Variants in TRIM33 observed in about 807,000 individuals in gnomAD.
TRIM33 encodes E3 ubiquitin-protein ligase TRIM33.
Under a neutral mutation model 125.4 loss-of-function variants are expected in TRIM33, and 20 were observed. That is an observed-to-expected ratio of 0.16 (90% CI 0.11 to 0.23). The LOEUF (loss-of-function observed/expected upper bound fraction) is 0.23, where lower values mean the gene tolerates loss of function less well. TRIM33 is among the 10% of genes least tolerant of loss of function. The pLI, the probability that TRIM33 is intolerant of heterozygous loss-of-function variation, is 1.00. For missense variants in TRIM33, 920 were observed against 1,411.4 expected (o/e 0.65, Z 5.58); for synonymous variants, 564 against 513.9 (o/e 1.10, Z -1.32).
In TRIM33 at chr1:114,470,131, G is replaced by A. The variant is rs143224002; in HGVS notation, c.527-5743C>T. On this transcript the variant is annotated intron_variant, in intron 1 of 19. Transcript: ENST00000358465. ...ACTAATATCTATTATCATAAAGCTT[G>A]TTGGTATTCTTAGGGCTTCTTATAT... is the stretch of plus-strand genomic sequence containing the variant. Among the ~76,000 whole-genome samples, 3 of 152,228 alleles carry A rather than the reference G, an allele frequency of 2.0e-5. No individual in the cohort carries two copies. In the East Asian group the frequency reaches 5.8e-4, roughly 29 times the overall value.
At chr1:114,399,325 A>G (rs1651735218) in intron 18 of TRIM33, 132 bp downstream of exon 18, 1 of 717,420 alleles carries the variant, frequency 1.4e-6, no homozygotes, top group Non-Finnish European at 2.2e-6. Flanking sequence ...TGTTAATACA[A>G]TCAGATGTTA....
intron 1 of TRIM33, among the ~76,000 whole-genome samples, chr1:114,503,840 A>T (rs977295642): frequency 2.0e-4 from 31 of 152,222 alleles, no homozygotes; most frequent in African/African-American, 6.8e-4. Flanking sequence ...CATGCCTAAA[A>T]ACCATAGTTT....
chr1:114,468,191 C>G (rs1019440969), intron 1 of TRIM33: 1 of 169,842 alleles, frequency 5.9e-6, no homozygotes, highest in Non-Finnish European at 1.2e-5. Context: ...CCTATGTGCA[C>G]ACATTAATAA....
chr1:114,435,373 C>T (rs554742822), intron 4 of TRIM33, among the ~76,000 whole-genome samples: 5 of 152,110 alleles, frequency 3.3e-5, no homozygotes, highest in Non-Finnish European at 7.3e-5. Context: ...AACTAAATGC[C>T]TAGCTAAGGC....
At chr1:114,410,733 T>C (rs1432287828) in intron 11 of TRIM33, among the ~76,000 whole-genome samples, 1 of 151,898 alleles carries the variant, frequency 6.6e-6, no homozygotes, top group Non-Finnish European at 1.5e-5. Flanking sequence ...AAAATTCTTA[T>C]AGCCCACAGA....
rs66490349 is a variant in TRIM33 at position 114,397,589 on chromosome 1, G to GTT, written c.*57_*58dup. 18,585 of 636,730 alleles carry GTT rather than the reference G, an allele frequency of 0.029. 622 individuals carry two copies. The highest frequency in any genetic ancestry group is 0.14 in the African/African-American group (5,183 of 36,214). The allele number at this position is 636,730 out of a possible 1,614,324, so 39.4% of individuals were successfully genotyped here. A position where few individuals can be genotyped will look rare whatever the true frequency, so the allele number is the denominator to read the frequency against. On this transcript the variant is annotated 3_prime_UTR_variant, in exon 20 of 20. Coordinates refer to ENST00000358465, the MANE Select transcript of TRIM33 (RefSeq NM_015906.4). ...CTTAAAAGTTTTCTGGGTTTTTTGT[G>GTT]TTTTTTTTTTTTTTTTCGTTTTTTT...
chr1:114,502,149 T>A (rs1279572387), intron 1 of TRIM33, among the ~76,000 whole-genome samples: 1 of 152,254 alleles, frequency 6.6e-6, no homozygotes, highest in Non-Finnish European at 1.5e-5. Flanking sequence ...TCTTCATTTT[T>A]ACATTTTACT....
At chr1:114,454,107 A>G (rs1401925073) in intron 4 of TRIM33, among the ~76,000 whole-genome samples, 1 of 152,206 alleles carries the variant, frequency 6.6e-6, no homozygotes, top group African/African-American at 2.4e-5. Flanking sequence ...GTGGTGTCAG[A>G]AGTGAAAGGA....
At chr1:114,462,991 C>A in intron 4 of TRIM33, 113 bp downstream of exon 4, 2 of 790,498 alleles carry the variant, frequency 2.5e-6, no homozygotes, top group Non-Finnish European at 3.6e-6. Context: ...ATGTAAAATA[C>A]AGATTTAAAA....
At chr1:114,482,667 G>C (rs1014275360) in intron 1 of TRIM33, among the ~76,000 whole-genome samples, 1 of 152,180 alleles carries the variant, frequency 6.6e-6, no homozygotes, top group East Asian at 1.9e-4. Context: ...GGAGGGCCCC[G>C]GTGGGAGGTG....
intron 1 of TRIM33, among the ~76,000 whole-genome samples, chr1:114,500,191 T>C (rs1456304774): frequency 3.9e-5 from 6 of 152,182 alleles, no homozygotes; most frequent in Non-Finnish European, 8.8e-5. Flanking sequence ...AAAACATTTT[T>C]GGACTTAAGA....
chr1:114,450,981 C>T (rs935045928), intron 4 of TRIM33, among the ~76,000 whole-genome samples: 1 of 151,804 alleles, frequency 6.6e-6, no homozygotes, highest in African/African-American at 2.4e-5. Flanking sequence ...AATATTCTTC[C>T]GAGGGTGAAA....
rs184651008 is a variant in TRIM33 at position 114,464,602 on chromosome 1, T to C, written c.527-214A>G. Among the ~76,000 whole-genome samples, 446 of 152,300 alleles carry C rather than the reference T, an allele frequency of 2.9e-3. 4 individuals are homozygous for C. Among genetic ancestry groups the C allele is most frequent in the African/African-American group, 0.01 (421 of 41,554 alleles). ...AAGCATTATGATGCCTCCCAAGAAGTGCTTCCTCATTATAATATGTGGTTA... is the reference window on the plus strand; with the variant it reads ...AAGCATTATGATGCCTCCCAAGAAGCGCTTCCTCATTATAATATGTGGTTA... On this transcript the variant is annotated intron_variant, in intron 1 of 19. Transcript: ENST00000358465.
At chr1:114,401,118 G>A (rs1382179158) in intron 17 of TRIM33, among the ~76,000 whole-genome samples, 1 of 150,546 alleles carries the variant, frequency 6.6e-6, no homozygotes, top group African/African-American at 2.4e-5. Context: ...CTCACTGCAA[G>A]CTCCGCCTCC....
At chr1:114,439,018 T>C (rs1648481292) in intron 4 of TRIM33, among the ~76,000 whole-genome samples, 2 of 152,124 alleles carry the variant, frequency 1.3e-5, no homozygotes, top group African/African-American at 4.8e-5. Flanking sequence ...AGAAAGACAT[T>C]AAAATCCTCA....
chr1:114,438,306 C>T (rs909236035), intron 4 of TRIM33, among the ~76,000 whole-genome samples: 1 of 152,100 alleles, frequency 6.6e-6, no homozygotes, highest in South Asian at 2.1e-4. Flanking sequence ...TAATAAAACC[C>T]AGTTTCATTT....
intron 11 of TRIM33, among the ~76,000 whole-genome samples, chr1:114,411,449 T>C (rs769268321): frequency 1.3e-5 from 2 of 152,188 alleles, no homozygotes; most frequent in Non-Finnish European, 2.9e-5. Context: ...TGGCCAAGGA[T>C]GCACTTGCAA....
In TRIM33 at chr1:114,463,629, T is replaced by G. The variant is rs946571427; in HGVS notation, c.646-73A>C. The G allele has an allele frequency of 7.5e-5, 66 of 882,500 alleles. No individual in the cohort carries two copies. In the African/African-American group the frequency reaches 9.6e-4, roughly 13 times the overall value. 54.7% of individuals were successfully genotyped at this position (882,500 alleles called of 1,614,324 possible). A position where few individuals can be genotyped will look rare whatever the true frequency, so the allele number is the denominator to read the frequency against. Reference sequence around the variant, plus strand: ...GATCTAAAAAAAAAAAAAAACTTGTTCTTCAATATACTATTTCACTGTACA... The same window carrying G: ...GATCTAAAAAAAAAAAAAAACTTGTGCTTCAATATACTATTTCACTGTACA... On this transcript the variant is annotated intron_variant, in intron 2 of 19. Transcript: ENST00000358465.
chr1:114,409,561 A>G (rs1416474195), intron 12 of TRIM33, among the ~76,000 whole-genome samples: 1 of 152,214 alleles, frequency 6.6e-6, no homozygotes, highest in African/African-American at 2.4e-5. Context: ...CCCATGAAAG[A>G]CTGTGAATAT....
Sources: allele counts gnomAD v4.1 joint callset (sites outside exome capture counted in the v4.1 genomes callset), GRCh38; gene constraint gnomAD v4.1.1; transcripts MANE v1.5; gene names NCBI Gene and HGNC (gene_info 2026-07-23, HGNC 2026-07-21).